Variants in RIMS2 observed in about 807,000 individuals in gnomAD.
The protein encoded by RIMS2 is regulating synaptic membrane exocytosis protein 2.
RIMS2 carries 59 observed loss-of-function variants against 174.4 expected under a neutral mutation model. The ratio of observed to expected loss-of-function variants is 0.34; its 90% CI spans 0.27 to 0.42. The LOEUF is 0.42. RIMS2 is among the 10% of genes least tolerant of loss of function. The probability of loss-of-function intolerance (pLI) is 1.00; values close to 1 mark genes in which losing one functional copy is unlikely to be tolerated. For synonymous variants in RIMS2, 606 were observed against 572.5 expected, an observed-to-expected ratio of 1.06 and a Z score of -0.84; for missense variants, 1,620 against 1,666.3, an observed-to-expected ratio of 0.97 and a Z score of 0.48.
At chr8:103,930,652 C>T (rs182837494) in intron 11 of RIMS2, among the ~76,000 whole-genome samples, 46 of 152,102 alleles carry the variant, frequency 3.0e-4, no homozygotes, top group African/African-American at 8.9e-4. Flanking sequence ...GGATATTATT[C>T]ATCAACTTCA....
intron 1 of RIMS2, among the ~76,000 whole-genome samples, chr8:103,657,843 G>T (rs535922943): frequency 9.2e-5 from 14 of 152,160 alleles, no homozygotes; most frequent in Non-Finnish European, 1.6e-4. Context: ...TGATTACTTG[G>T]TTTAGGTGAG....
At chr8:103,726,988 C>A (rs1297899120) in intron 2 of RIMS2, among the ~76,000 whole-genome samples, 1 of 151,518 alleles carries the variant, frequency 6.6e-6, no homozygotes, top group African/African-American at 2.4e-5. Flanking sequence ...CTGCCCACCT[C>A]AGCCTCCCAA....
At chr8:103,935,867 G>A (rs2081121446) in intron 12 of RIMS2, among the ~76,000 whole-genome samples, 1 of 152,066 alleles carries the variant, frequency 6.6e-6, no homozygotes, top group African/African-American at 2.4e-5. Flanking sequence ...TAACAGTATG[G>A]TAACACATGT....
chr8:103,766,327 A>C, exon 3 of RIMS2: 1 of 1,613,330 alleles, frequency 6.2e-7, no homozygotes, highest in Non-Finnish European at 8.5e-7. Flanking sequence ...CAGCAACCTG[A>C]TCAAAAGGTT....
intron 19 of RIMS2, among the ~76,000 whole-genome samples, chr8:104,020,538 C>T (rs191285361): frequency 1.2e-3 from 180 of 151,884 alleles, no homozygotes; most frequent in African/African-American, 4.2e-3. Context: ...GATTCTGATG[C>T]AATTCTATTT....
intron 1 of RIMS2, among the ~76,000 whole-genome samples, chr8:103,596,366 T>C (rs191006565): frequency 2.0e-5 from 3 of 152,258 alleles, no homozygotes; most frequent in Non-Finnish European, 4.4e-5. Flanking sequence ...TCAAATACTT[T>C]ATAAACCTTG....
In RIMS2 at chr8:103,885,652, A is replaced by C. The variant is rs758937074; in HGVS notation, c.1053A>C (p.Glu351Asp). Residue 351 changes from glutamate to aspartate, a missense_variant, in exon 4 of 24, where the codon GAA (glutamate) becomes GAC (aspartate). This residue lies in a region of RIMS2 where 1,395 missense variants were observed against 1,360.1 expected (regional missense o/e 1.03). Transcript: ENST00000504942. ...CAGTAAAGCCACAACCCTATGAAGA[A>C]CAAATGCGGATCCATGCTGAAGTGT... 4 of 1,612,942 alleles carry C rather than the reference A, an allele frequency of 2.5e-6. No homozygotes were observed. In the East Asian group the frequency reaches 8.9e-5, roughly 36 times the overall value.
chr8:103,757,113 C>T (rs978661399), intron 2 of RIMS2, among the ~76,000 whole-genome samples: 2 of 142,604 alleles, frequency 1.4e-5, no homozygotes, highest in African/African-American at 2.6e-5. Flanking sequence ...GTGGTGATAC[C>T]GGGAATCCTT....
At chr8:104,223,849 C>A in intron 19 of RIMS2, 1 of 1,466,594 alleles carries the variant, frequency 6.8e-7, no homozygotes, top group Non-Finnish European at 9.3e-7. Flanking sequence ...AAGTCGGTGG[C>A]TGGAGGGTTG....
At chr8:104,077,872 G>C (rs62510989) in intron 19 of RIMS2, among the ~76,000 whole-genome samples, 35,564 of 151,416 alleles carry the variant, frequency 0.23, 4,472 homozygotes, top group African/African-American at 0.33. Flanking sequence ...GCCGGGCACG[G>C]TGGCTCACGC....
At chr8:104,228,283 C>T (rs1349998525) in intron 19 of RIMS2, among the ~76,000 whole-genome samples, 1 of 152,088 alleles carries the variant, frequency 6.6e-6, no homozygotes, top group Non-Finnish European at 1.5e-5. Flanking sequence ...CCGCCTCGAC[C>T]TCCCAAAGTG....
At chr8:103,687,566 C>T (rs541749360) in intron 1 of RIMS2, among the ~76,000 whole-genome samples, 1 of 152,088 alleles carries the variant, frequency 6.6e-6, no homozygotes, top group East Asian at 1.9e-4. Context: ...TTTCAAAATA[C>T]AATATATTGT....
chr8:104,194,250 A>G (rs889859539), intron 19 of RIMS2, among the ~76,000 whole-genome samples: 1 of 152,090 alleles, frequency 6.6e-6, no homozygotes, highest in Non-Finnish European at 1.5e-5. Flanking sequence ...TGGCCCCAAA[A>G]TTCATGTGTT....
intron 1 of RIMS2, among the ~76,000 whole-genome samples, chr8:103,608,359 C>G (rs1310108173): frequency 2.1e-5 from 3 of 143,610 alleles, no homozygotes; most frequent in African/African-American, 5.4e-5. Context: ...TCTCAGATCT[C>G]CAGCTGCGTA....
intron 19 of RIMS2, among the ~76,000 whole-genome samples, chr8:104,174,366 G>A (rs761082419): frequency 6.6e-6 from 1 of 152,096 alleles, no homozygotes; most frequent in East Asian, 1.9e-4. Context: ...TTGGGGTGGA[G>A]GTTAAATGGC....
intron 2 of RIMS2, among the ~76,000 whole-genome samples, chr8:103,714,877 A>T (rs1029112998): frequency 6.6e-6 from 1 of 152,122 alleles, no homozygotes; most frequent in African/African-American, 2.4e-5. Flanking sequence ...AGTAGTTGGT[A>T]TAAAATTTTT....
chr8:103,583,720 G>A (rs2093745145), intron 1 of RIMS2, among the ~76,000 whole-genome samples: 1 of 152,016 alleles, frequency 6.6e-6, no homozygotes, highest in South Asian at 2.1e-4. Context: ...AGTCAGAGGG[G>A]ACAAAATAGA....
chr8:103,577,504 C>T (rs1259910569), intron 1 of RIMS2, among the ~76,000 whole-genome samples: 2 of 152,082 alleles, frequency 1.3e-5, no homozygotes, highest in African/African-American at 2.4e-5. Flanking sequence ...GAGAAATATG[C>T]AATGTAGGTG....
At chr8:104,045,387 A>T (rs2096675446) in intron 19 of RIMS2, among the ~76,000 whole-genome samples, 1 of 151,898 alleles carries the variant, frequency 6.6e-6, no homozygotes, top group Non-Finnish European at 1.5e-5. Context: ...AGCATGCTTT[A>T]TTAGGGTGTA....
Sources: allele counts gnomAD v4.1 joint callset (sites outside exome capture counted in the v4.1 genomes callset), GRCh38; gene constraint gnomAD v4.1.1; regional missense constraint gnomAD v4.1.1; transcripts MANE v1.5; gene names NCBI Gene and HGNC (gene_info 2026-07-23, HGNC 2026-07-21).